The following BRI3BP variants were observed in gnomAD, a reference collection of about 807,000 sequenced individuals.
The protein encoded by BRI3BP is BRI3-binding protein.
A neutral mutation model predicts 15.8 loss-of-function variants in BRI3BP; 7 were observed. The observed-to-expected ratio is 0.44, with a 90% confidence interval of 0.25 to 0.83. BRI3BP has a LOEUF of 0.83. BRI3BP is among the 40% of genes least tolerant of loss of function. The pLI, the probability that BRI3BP is intolerant of heterozygous loss-of-function variation, is 0.20. For synonymous variants in BRI3BP, 192 were observed against 163.5 expected, an observed-to-expected ratio of 1.17 and a Z score of -1.33; for missense variants, 320 against 339.3, an observed-to-expected ratio of 0.94 and a Z score of 0.45.
chr12:125,005,391 C>T (rs761195165), intron 1 of BRI3BP, among the ~76,000 whole-genome samples: 6 of 152,178 alleles, frequency 3.9e-5, no homozygotes, highest in Non-Finnish European at 8.8e-5. Flanking sequence ...ATAGCATCTC[C>T]ACCATCTGCA....
chr12:125,000,442 T>TA (rs375669101), intron 1 of BRI3BP, among the ~76,000 whole-genome samples: 8,882 of 150,654 alleles, frequency 0.059, 399 homozygotes, highest in Admixed American at 0.14. Flanking sequence ...GCCTCCCGAG[T>TA]AGCTGGGACT....
At chr12:125,048,946 A>G in the BRI3BP span, among the ~76,000 whole-genome samples, 1 of 152,076 alleles carries the variant, frequency 6.6e-6, no homozygotes, top group South Asian at 2.1e-4. Flanking sequence ...GAGAGCCCAA[A>G]TTTATTTTTA....
chr12:125,015,966 G>A (rs1220560564), intron 2 of BRI3BP, among the ~76,000 whole-genome samples: 2 of 152,164 alleles, frequency 1.3e-5, no homozygotes, highest in Admixed American at 6.5e-5. Context: ...TGTTTTCGTC[G>A]CCACCCATTG....
rs556200989 is a variant in BRI3BP, at chr12:125,008,098, C to G, written c.214-4436C>G. On this transcript the variant is annotated intron_variant, in intron 1 of 2. Coordinates refer to ENST00000341446, the MANE Select transcript of BRI3BP (RefSeq NM_080626.6). ...TGAGAGTCTGCATTTCTGGCAAGCT[C>G]CTGGGTGATGCTGCTGCTGCTAGTC... Among the ~76,000 whole-genome samples, 23 of 134,822 alleles carry G rather than the reference C, an allele frequency of 1.7e-4. 1 individual carries two copies. The South Asian group carries it at 5.2e-3, about 30-fold the overall frequency. 88.4% of individuals were successfully genotyped at this position (134,822 alleles called of 152,430 possible).
chr12:125,021,321 T>G (rs571984160), intron 2 of BRI3BP, among the ~76,000 whole-genome samples: 1 of 152,188 alleles, frequency 6.6e-6, no homozygotes, highest in East Asian at 1.9e-4. Context: ...GGTGTCGTTA[T>G]TGACCGGAGG....
At chr12:125,034,745 A>G (rs950518498), downstream of BRI3BP, among the ~76,000 whole-genome samples, 6 of 151,916 alleles carry the variant, frequency 3.9e-5, no homozygotes, top group Admixed American at 2.6e-4. Context: ...GCCTGCCACC[A>G]CGCCCAGCTA....
At chr12:125,032,272 C>T (rs1955411789), downstream of BRI3BP, among the ~76,000 whole-genome samples, 1 of 150,628 alleles carries the variant, frequency 6.6e-6, no homozygotes, top group Non-Finnish European at 1.5e-5. Context: ...ACCATCCTGG[C>T]TAACATGGTG....
rs1343775517 is a variant in BRI3BP, at chr12:125,029,349, AC to A, written c.*3921del. ...GCCAACATAGTGAAATCCCGTCTCTACCAAAAAATACAAAAAAAAAAAAAAA... is the reference window on the plus strand; with the variant it reads ...GCCAACATAGTGAAATCCCGTCTCTACAAAAAATACAAAAAAAAAAAAAAA... On this transcript the variant is annotated 3_prime_UTR_variant, in exon 3 of 3. Transcript: ENST00000341446. The A allele has an allele frequency of 4.2e-5, 4 of 96,214 alleles. No homozygotes were observed. Among genetic ancestry groups the A allele is most frequent in the Non-Finnish European group, 8.0e-5 (4 of 50,266 alleles). The allele number at this position is 96,214 out of a possible 1,614,324, so 6.0% of individuals were successfully genotyped here. A position where few individuals can be genotyped will look rare whatever the true frequency, so the allele number is the denominator to read the frequency against.
At chr12:125,011,929 G>A (rs946138269) in intron 1 of BRI3BP, among the ~76,000 whole-genome samples, 3 of 152,156 alleles carry the variant, frequency 2.0e-5, no homozygotes, top group Non-Finnish European at 4.4e-5. Flanking sequence ...AGTGTTTCAC[G>A]CCTATAATCC....
chr12:125,043,787 T>C, the BRI3BP span, among the ~76,000 whole-genome samples: 1 of 151,930 alleles, frequency 6.6e-6, no homozygotes, highest in Non-Finnish European at 1.5e-5. Flanking sequence ...ACCCAGGAGG[T>C]GGAGGTTGCA....
the BRI3BP span, among the ~76,000 whole-genome samples, chr12:125,043,505 C>T: frequency 2.6e-5 from 4 of 151,808 alleles, no homozygotes; most frequent in South Asian, 2.1e-4. Context: ...CCCAGGAATT[C>T]GAGACCAGCC....
the BRI3BP span, among the ~76,000 whole-genome samples, chr12:125,046,599 GA>G: frequency 6.6e-6 from 1 of 152,136 alleles, no homozygotes; most frequent in Non-Finnish European, 1.5e-5. Flanking sequence ...CAGAACTGGA[GA>G]AAATAATAGA....
the BRI3BP span, among the ~76,000 whole-genome samples, chr12:125,041,283 C>T: frequency 6.8e-6 from 1 of 147,264 alleles, no homozygotes; most frequent in Non-Finnish European, 1.5e-5. Flanking sequence ...GTCTCCATCT[C>T]CTGATCTCGT....
At chr12:125,045,625 C>T in the BRI3BP span, among the ~76,000 whole-genome samples, 1 of 152,182 alleles carries the variant, frequency 6.6e-6, no homozygotes, top group Non-Finnish European at 1.5e-5. Context: ...AACCGCCCCG[C>T]CTGGCCTCTA....
chr12:125,044,020 TAAA>T, the BRI3BP span, among the ~76,000 whole-genome samples: 5 of 131,786 alleles, frequency 3.8e-5, no homozygotes, highest in African/African-American at 8.5e-5. Context: ...GCAAGACATT[TAAA>T]AAAAAAAAAA....
intron 1 of BRI3BP, among the ~76,000 whole-genome samples, chr12:125,011,435 C>A (rs1441428237): frequency 3.9e-5 from 6 of 152,178 alleles, no homozygotes. Context: ...TGAGTATGGG[C>A]CTGGCTCCAG....
intron 2 of BRI3BP, among the ~76,000 whole-genome samples, chr12:125,020,537 A>G (rs1955289370): frequency 6.6e-6 from 1 of 152,240 alleles, no homozygotes; most frequent in East Asian, 1.9e-4. Flanking sequence ...CTCAAAGCCT[A>G]GCATCTGTAA....
At chr12:125,003,271 G>A (rs11057977) in intron 1 of BRI3BP, among the ~76,000 whole-genome samples, 9,261 of 152,192 alleles carry the variant, frequency 0.061, 419 homozygotes, top group Admixed American at 0.14. Context: ...GGATGTCCCC[G>A]GGTGTTGGAT....
At chr12:125,032,733 C>T (rs1955416057), downstream of BRI3BP, among the ~76,000 whole-genome samples, 1 of 152,230 alleles carries the variant, frequency 6.6e-6, no homozygotes, top group African/African-American at 2.4e-5. Flanking sequence ...ATGATTGCAC[C>T]ACTGCATTCC....
Sources: allele counts gnomAD v4.1 joint callset (sites outside exome capture counted in the v4.1 genomes callset), GRCh38; gene constraint gnomAD v4.1.1; transcripts MANE v1.5; gene names NCBI Gene and HGNC (gene_info 2026-07-23, HGNC 2026-07-21).